ADGRV1: variants seen among roughly 807,000 people sequenced by gnomAD.
The protein encoded by ADGRV1 is G-protein coupled receptor 98.
A neutral mutation model predicts 596.2 loss-of-function variants in ADGRV1; 359 were observed. That is an observed-to-expected ratio of 0.60 (90% CI 0.55 to 0.66). The LOEUF (loss-of-function observed/expected upper bound fraction) is 0.66. Ranked by LOEUF, ADGRV1 falls within the 30% of genes least tolerant of loss-of-function variation. ADGRV1 has a pLI of 0.00. For missense variants in ADGRV1, 7,274 were observed against 7,575.6 expected (o/e 0.96, Z 1.48); for synonymous variants, 2,681 against 2,679.2 (o/e 1.00, Z -0.02).
At chr5:90,569,248 C>T (rs985649899) in intron 1 of ADGRV1, among the ~76,000 whole-genome samples, 9 of 150,490 alleles carry the variant, frequency 6.0e-5, no homozygotes, top group South Asian at 2.1e-4. Context: ...CTCTCAACAC[C>T]GTTAGTTACA....
chr5:91,134,483 T>G (rs974611821), intron 87 of ADGRV1, among the ~76,000 whole-genome samples: 5 of 152,218 alleles, frequency 3.3e-5, no homozygotes, highest in Non-Finnish European at 7.3e-5. Flanking sequence ...CGTGAGCCAC[T>G]GCGCCCAACT....
At chr5:90,885,368 A>G (rs1188384505) in intron 83 of ADGRV1, among the ~76,000 whole-genome samples, 2 of 152,204 alleles carry the variant, frequency 1.3e-5, no homozygotes, top group African/African-American at 4.8e-5. Context: ...GATGAAACAG[A>G]TAGCAATCTG....
chr5:90,651,826 G>C, intron 18 of ADGRV1, 96 bp downstream of exon 18: 1 of 781,642 alleles, frequency 1.3e-6, no homozygotes, highest in Middle Eastern at 3.3e-4. Flanking sequence ...TTAAAAATTG[G>C]TTAAGAATTG....
In ADGRV1 at chr5:90,675,206, C is replaced by T. The variant is rs188513410; in HGVS notation, c.5111-37C>T. 341 of 1,566,256 alleles carry T rather than the reference C, an allele frequency of 2.2e-4. 1 individual carries two copies. In the African/African-American group the frequency reaches 4.2e-3, roughly 19 times the overall value. ...TTGAATAAGAAATTCTTGCACAGTT[C>T]ATTGGGACAATGCCCTGGCCCCTTT... On this transcript the variant is annotated intron_variant, in intron 23 of 89. Coordinates refer to ENST00000405460, the MANE Select transcript of ADGRV1 (RefSeq NM_032119.4).
At chr5:90,987,680 A>C (rs1780608547) in intron 85 of ADGRV1, among the ~76,000 whole-genome samples, 1 of 152,032 alleles carries the variant, frequency 6.6e-6, no homozygotes, top group African/African-American at 2.4e-5. Flanking sequence ...TTATATCATC[A>C]TTTTAAAGCA....
At chr5:90,558,995 GC>G in intron 1 of ADGRV1, 78 bp downstream of exon 1, 4 of 1,329,402 alleles carry the variant, frequency 3.0e-6, no homozygotes, top group Non-Finnish European at 3.0e-6. Flanking sequence ...ACCTGTTGCT[GC>G]AGGTGGGCGG....
rs1193920746 is a variant in ADGRV1, at chr5:90,627,219, A to G, written c.681A>G (p.Glu227=). The G allele has an allele frequency of 2.6e-6, 4 of 1,521,894 alleles. No individual in the cohort carries two copies. The highest frequency in any genetic ancestry group is 3.5e-6 in the Non-Finnish European group (4 of 1,135,384). The allele number at this position is 1,521,894 out of a possible 1,614,324, so 94.3% of individuals were successfully genotyped here. Residue 227 remains glutamate (E), a synonymous_variant, in exon 7 of 90, where the codon GAA becomes GAG. Transcript: ENST00000405460. ...NLTVLDDEVP[E]NDEIFLIQLK... Reference sequence around the variant, plus strand: ...TTATATTCCTTTAACAGGTACCAGAAAATGATGAAATATTTTTAATTCAAC... The same window carrying G: ...TTATATTCCTTTAACAGGTACCAGAGAATGATGAAATATTTTTAATTCAAC...
At chr5:90,917,532 A>G (rs1773491386) in intron 83 of ADGRV1, among the ~76,000 whole-genome samples, 1 of 152,236 alleles carries the variant, frequency 6.6e-6, no homozygotes, top group African/African-American at 2.4e-5. Flanking sequence ...GAATCAAAAC[A>G]AAATCAACAG....
At chr5:90,823,687 G>T (rs1763814872) in intron 76 of ADGRV1, 91 bp downstream of exon 76, 1 of 1,102,918 alleles carries the variant, frequency 9.1e-7, no homozygotes, top group Non-Finnish European at 1.3e-6. Flanking sequence ...CTTACACATT[G>T]TTGATAGGGA....
intron 85 of ADGRV1, among the ~76,000 whole-genome samples, chr5:91,049,222 C>T (rs1376428478): frequency 1.3e-5 from 2 of 152,160 alleles, no homozygotes; most frequent in Non-Finnish European, 2.9e-5. Flanking sequence ...TTATGTGACA[C>T]AGCACTGGTT....
intron 1 of ADGRV1, among the ~76,000 whole-genome samples, chr5:90,581,116 G>C (rs1757980640): frequency 6.6e-6 from 1 of 152,112 alleles, no homozygotes; most frequent in African/African-American, 2.4e-5. Flanking sequence ...GTCATTTAAA[G>C]TCTCCTCTAC....
rs572117222 is a variant in ADGRV1 at position 90,883,305 on chromosome 5, G to A, written c.17856+19448G>A. The stretch of plus-strand genomic sequence containing the variant: ...CCTAGAATAGCTCCATGGTATTTCA[G>A]GCCATCGAAGAGGATTTTTATGCTG... On this transcript the variant is annotated intron_variant, in intron 83 of 89. Coordinates refer to ENST00000405460, the MANE Select transcript of ADGRV1 (RefSeq NM_032119.4). Among the ~76,000 whole-genome samples the A allele has an allele frequency of 3.3e-5, 5 of 152,246 alleles. No individual in the cohort carries two copies. The East Asian group carries it at 9.6e-4, about 29-fold the overall frequency.
Position 90,755,086 on chromosome 5 carries a change from T to C in ADGRV1, c.11481T>C (p.Asp3827=), listed in dbSNP as rs16869083. ...AACCCAATTTCTTACTGCATGTCGA[T>C]AATCAAGCTACTGAGAATGAAGATT... ...RAQPNFLLHV[D]NQATENEDYV... is the part of the protein sequence containing the mutation. The change falls in exon 55 of 90, where the codon GAT becomes GAC. Residue 3827 remains aspartate, a synonymous_variant. Transcript: ENST00000405460. 2.7e-3 allele frequency: 4,279 copies of C among 1,610,430 alleles called. 90 individuals carry two copies. In the African/African-American group the frequency reaches 0.048, roughly 18 times the overall value.
At chr5:90,910,551 TTATCTATCTATCTATC>T (rs58713482) in intron 83 of ADGRV1, among the ~76,000 whole-genome samples, 4,404 of 147,136 alleles carry the variant, frequency 0.03, 92 homozygotes, top group Non-Finnish European at 0.048. Flanking sequence ...TATATATATA[TTATCTATCTATCTATC>T]TATCTATCTA....
intron 85 of ADGRV1, among the ~76,000 whole-genome samples, chr5:91,020,586 C>A (rs550614583): frequency 6.6e-6 from 1 of 152,064 alleles, no homozygotes; most frequent in Non-Finnish European, 1.5e-5. Flanking sequence ...TTCAATCACG[C>A]CATTGCCTGG....
intron 85 of ADGRV1, among the ~76,000 whole-genome samples, chr5:90,992,500 A>T (rs1036900196): frequency 4.6e-5 from 7 of 152,230 alleles, no homozygotes; most frequent in Non-Finnish European, 1.0e-4. Context: ...TAGGTGTAAA[A>T]AGAACTTTAT....
rs376288206 is a variant in ADGRV1 at position 90,581,066 on chromosome 5, C to T, written c.22+22149C>T. On this transcript the variant is annotated intron_variant, in intron 1 of 89. Coordinates refer to ENST00000405460, the MANE Select transcript of ADGRV1 (RefSeq NM_032119.4). Reference sequence around the variant, plus strand: ...AATTGGCTATTGAAGCTTGTGCATGCGTCACGAAGTTCTTGTGCCATGTTT... The same window carrying T: ...AATTGGCTATTGAAGCTTGTGCATGTGTCACGAAGTTCTTGTGCCATGTTT... Among the ~76,000 whole-genome samples the T allele has an allele frequency of 4.0e-4, 61 of 152,296 alleles. 1 individual carries two copies. The South Asian group carries it at 6.4e-3, about 16-fold the overall frequency.
At chr5:90,789,040 G>A (rs1759790815) in intron 68 of ADGRV1, among the ~76,000 whole-genome samples, 1 of 152,140 alleles carries the variant, frequency 6.6e-6, no homozygotes, top group South Asian at 2.1e-4. Context: ...TTGTGGAGCA[G>A]AGCAGTTCAG....
At chr5:90,816,235 G>T (rs1762877350) in intron 75 of ADGRV1, among the ~76,000 whole-genome samples, 1 of 152,040 alleles carries the variant, frequency 6.6e-6, no homozygotes, top group Non-Finnish European at 1.5e-5. Context: ...ATTATGAGTG[G>T]AAGTGTTGTT....
Sources: gnomAD v4.1 joint callset for allele counts (sites outside exome capture counted in the v4.1 genomes callset) on GRCh38, gnomAD v4.1.1 for gene constraint, MANE v1.5 for transcripts, NCBI Gene and HGNC (gene_info 2026-07-23, HGNC 2026-07-21) for gene names.